The following VWA8 variants were observed in gnomAD, a reference collection of about 807,000 sequenced individuals.
The protein encoded by VWA8 is von Willebrand factor A domain containing 8.
In VWA8, 221 loss-of-function variants were observed where a neutral mutation model predicts 241.5. The ratio of observed to expected loss-of-function variants is 0.91; its 90% CI spans 0.82 to 1.02. VWA8 has a LOEUF of 1.02. VWA8 is among the 50% of genes least tolerant of loss of function. VWA8 has a pLI of 0.00. For synonymous variants in VWA8, 852 were observed against 827.1 expected (o/e 1.03, Z -0.52); for missense variants, 2,322 against 2,328.7 (o/e 1.00, Z 0.06).
At chr13:41,672,429 T>A (rs188873853) in intron 36 of VWA8, among the ~76,000 whole-genome samples, 1 of 152,164 alleles carries the variant, frequency 6.6e-6, no homozygotes, top group Non-Finnish European at 1.5e-5. Context: ...ATTCCTATTG[T>A]CAGTGTTGGC....
intron 18 of VWA8, among the ~76,000 whole-genome samples, chr13:41,786,242 T>C: frequency 6.6e-6 from 1 of 152,260 alleles, no homozygotes; most frequent in South Asian, 2.1e-4. Context: ...AAAATCAGAA[T>C]TGCAAAATAT....
chr13:41,656,444 G>C (rs553463183), intron 37 of VWA8, among the ~76,000 whole-genome samples: 8 of 152,130 alleles, frequency 5.3e-5, no homozygotes, highest in African/African-American at 1.4e-4. Context: ...CTTTTTCTTG[G>C]GGGGTAAGGG....
intron 16 of VWA8, 96 bp downstream of exon 16, chr13:41,816,602 C>A: frequency 1.7e-6 from 2 of 1,207,064 alleles, no homozygotes; most frequent in Non-Finnish European, 2.4e-6. Flanking sequence ...AATAAAATAC[C>A]AGCTTAAAAA....
intron 9 of VWA8, among the ~76,000 whole-genome samples, chr13:41,883,122 A>T (rs1265435497): frequency 6.6e-6 from 1 of 152,116 alleles, no homozygotes; most frequent in South Asian, 2.1e-4. Flanking sequence ...CATTTGCTCA[A>T]TCTATTTACT....
chr13:41,605,822 G>A (rs2044550315), intron 39 of VWA8, among the ~76,000 whole-genome samples: 1 of 152,152 alleles, frequency 6.6e-6, no homozygotes, highest in Non-Finnish European at 1.5e-5. Context: ...CTATGTGAGA[G>A]TTTTCTAAAA....
chr13:41,588,789 A>C (rs2044436262), intron 41 of VWA8, among the ~76,000 whole-genome samples: 1 of 152,150 alleles, frequency 6.6e-6, no homozygotes, highest in Non-Finnish European at 1.5e-5. Context: ...GCTGTTATTA[A>C]ATATAAAAAA....
intron 37 of VWA8, among the ~76,000 whole-genome samples, chr13:41,647,639 T>C (rs1344255230): frequency 6.6e-6 from 1 of 152,180 alleles, no homozygotes; most frequent in Non-Finnish European, 1.5e-5. Context: ...AAATCAGCTT[T>C]GAAACCATGA....
At chr13:41,952,462 T>C (rs1161386894) in intron 1 of VWA8, among the ~76,000 whole-genome samples, 1 of 152,248 alleles carries the variant, frequency 6.6e-6, no homozygotes, top group African/African-American at 2.4e-5. Flanking sequence ...TATTATCTAC[T>C]GGCTTTTATT....
At chr13:41,805,514 C>G (rs9594633) in intron 17 of VWA8, among the ~76,000 whole-genome samples, 1 of 152,002 alleles carries the variant, frequency 6.6e-6, no homozygotes, top group East Asian at 1.9e-4. Context: ...AGAAAATCAA[C>G]GAAGAAATAT....
At chr13:41,617,647 G>A (rs1436368341) in intron 37 of VWA8, among the ~76,000 whole-genome samples, 1 of 144,818 alleles carries the variant, frequency 6.9e-6, no homozygotes, top group African/African-American at 2.5e-5. Flanking sequence ...CCAGCCCCCC[G>A]CCCTGTGACA....
intron 18 of VWA8, among the ~76,000 whole-genome samples, chr13:41,784,737 C>CACATATATATAT (rs1191810226): frequency 6.2e-4 from 45 of 72,558 alleles, no homozygotes; most frequent in Non-Finnish European, 8.6e-4. Context: ...TATACACACA[C>CACATATATATAT]ATATATATAT....
At chr13:41,878,058 T>TATTTAATAC (rs1241302680) in intron 9 of VWA8, among the ~76,000 whole-genome samples, 1 of 152,128 alleles carries the variant, frequency 6.6e-6, no homozygotes, top group African/African-American at 2.4e-5. Flanking sequence ...GTAATTACAC[T>TATTTAATAC]AAAATTTAAA....
intron 29 of VWA8, among the ~76,000 whole-genome samples, chr13:41,697,685 A>T (rs140048234): frequency 6.6e-6 from 1 of 152,196 alleles, no homozygotes; most frequent in Non-Finnish European, 1.5e-5. Flanking sequence ...CTGATCTGAC[A>T]GGAGGTGGAG....
rs192347105 is a variant in VWA8 at position 41,926,188 on chromosome 13, T to C, written c.242-14020A>G. ...ACCAAGAAGGGTGAGCTGAGCATCA[T>C]TCCTTATGAGATCACACTGCTGTCT... On this transcript the variant is annotated intron_variant, in intron 2 of 44. Coordinates refer to ENST00000379310, the MANE Select transcript of VWA8 (RefSeq NM_015058.2). The C allele has an allele frequency of 3.5e-4, 236 of 665,574 alleles. No homozygotes were observed. The African/African-American group carries it at 3.6e-3, about 10-fold the overall frequency. 41.2% of individuals were successfully genotyped at this position (665,574 alleles called of 1,614,324 possible).
At chr13:41,582,260 A>G (rs1420035561) in intron 42 of VWA8, among the ~76,000 whole-genome samples, 1 of 152,142 alleles carries the variant, frequency 6.6e-6, no homozygotes, top group Non-Finnish European at 1.5e-5. Flanking sequence ...AGGTCATGAT[A>G]ATGTGGAATA....
chr13:41,744,001 AGAAATGCTTGGGAGGTCACAG>A (rs2137881951), intron 21 of VWA8, among the ~76,000 whole-genome samples: 1 of 152,368 alleles, frequency 6.6e-6, no homozygotes, highest in East Asian at 1.9e-4. Flanking sequence ...TACCTCACCC[AGAAATGCTTGGGAGGTCACAG>A]GTGCCTGCTT....
At chr13:41,756,986 A>G (rs1193262576) in intron 21 of VWA8, among the ~76,000 whole-genome samples, 1 of 151,790 alleles carries the variant, frequency 6.6e-6, no homozygotes. Flanking sequence ...TGGTCTTGCT[A>G]TGTGCCCTGT....
chr13:41,919,049 TA>T (rs35226709), intron 2 of VWA8, among the ~76,000 whole-genome samples: 1 of 151,334 alleles, frequency 6.6e-6, no homozygotes, highest in East Asian at 2.0e-4. Context: ...TCCTCCCCCA[TA>T]AAAAAACCAA....
intron 40 of VWA8, among the ~76,000 whole-genome samples, chr13:41,601,384 T>C (rs1439275096): frequency 6.6e-6 from 1 of 152,130 alleles, no homozygotes; most frequent in African/African-American, 2.4e-5. Context: ...AAAGCACTAT[T>C]TATCTGAACA....
Sources: gnomAD v4.1 joint callset for allele counts (sites outside exome capture counted in the v4.1 genomes callset) on GRCh38, gnomAD v4.1.1 for gene constraint, MANE v1.5 for transcripts, NCBI Gene and HGNC (gene_info 2026-07-23, HGNC 2026-07-21) for gene names.